The following IMMP2L variants were observed in gnomAD, a reference collection of about 807,000 sequenced individuals.
The protein encoded by IMMP2L is mitochondrial inner membrane protease subunit 2.
Under a neutral mutation model 19.3 loss-of-function variants are expected in IMMP2L, and 18 were observed. The ratio of observed to expected loss-of-function variants is 0.93; its 90% confidence interval spans 0.64 to 1.38. The LOEUF (loss-of-function observed/expected upper bound fraction) is 1.38. Ranked by LOEUF, IMMP2L falls within the 40% of genes most tolerant of loss-of-function variation. IMMP2L has a pLI of 0.00. For missense variants in IMMP2L, 233 were observed against 218.2 expected (o/e 1.07, Z -0.43); for synonymous variants, 76 against 73.0 (o/e 1.04, Z -0.21).
At chr7:111,217,273 A>G (rs1269881146) in intron 3 of IMMP2L, among the ~76,000 whole-genome samples, 1 of 152,076 alleles carries the variant, frequency 6.6e-6, no homozygotes, top group African/African-American at 2.4e-5. Context: ...AATGGTGGCC[A>G]GGAGCCTAGC....
chr7:110,691,749 C>T (rs1192048142), intron 5 of IMMP2L, among the ~76,000 whole-genome samples: 2 of 152,170 alleles, frequency 1.3e-5, no homozygotes, highest in East Asian at 3.9e-4. Flanking sequence ...ATTAAAACCA[C>T]AATGAGATAT....
intron 5 of IMMP2L, among the ~76,000 whole-genome samples, chr7:110,876,035 G>A (rs574242718): frequency 1.3e-5 from 2 of 151,988 alleles, no homozygotes; most frequent in South Asian, 2.1e-4. Flanking sequence ...TCAAAAAAAC[G>A]GATACATTTC....
chr7:111,138,730 A>C lies in IMMP2L; in HGVS notation c.240-175165T>G, dbSNP rs561108218. Among the ~76,000 whole-genome samples, 7 of 152,306 alleles carry C rather than the reference A, an allele frequency of 4.6e-5. 1 individual carries two copies. The South Asian group carries it at 1.4e-3, about 32-fold the overall frequency. On this transcript the variant is annotated intron_variant, in intron 3 of 5. Transcript: ENST00000405709. ...AGATAATTCTATTTTAAAAGAAAAA[A>C]AATCAGCTGAAGTCCTATTTGGTTC...
chr7:111,446,523 A>C (rs1297704520), intron 3 of IMMP2L, among the ~76,000 whole-genome samples: 9 of 151,150 alleles, frequency 6.0e-5, no homozygotes, highest in African/African-American at 9.9e-5. Flanking sequence ...AAACTAACAA[A>C]CAGAAAGGAC....
At chr7:110,961,619 A>G (rs1818949070) in intron 4 of IMMP2L, among the ~76,000 whole-genome samples, 1 of 151,810 alleles carries the variant, frequency 6.6e-6, no homozygotes, top group Non-Finnish European at 1.5e-5. Flanking sequence ...TTATACCAAT[A>G]CCTGTAGAAT....
intron 3 of IMMP2L, among the ~76,000 whole-genome samples, chr7:111,380,030 A>G (rs1831047898): frequency 6.6e-6 from 1 of 151,950 alleles, no homozygotes; most frequent in African/African-American, 2.4e-5. Context: ...GCTCCATCGA[A>G]AACTCTTCTG....
Position 111,083,242 on chromosome 7 carries a change from TAAC to T in IMMP2L, c.240-119680_240-119678del, listed in dbSNP as rs958241814. ...ATATTGACTCTTAAAGGCAGACAAA[TAAC>T]AACAACTATCCAAAATAAAAACCAA... On this transcript the variant is annotated intron_variant, in intron 3 of 5. Coordinates refer to ENST00000405709, the MANE Select transcript of IMMP2L (RefSeq NM_032549.4). 3.3e-5 allele frequency among the ~76,000 whole-genome samples: 5 copies of T among 152,178 alleles called. No homozygotes were observed. The South Asian group carries it at 8.3e-4, about 25-fold the overall frequency.
intron 1 of IMMP2L, among the ~76,000 whole-genome samples, chr7:111,549,769 CAT>C (rs1849270234): frequency 6.6e-6 from 1 of 151,846 alleles, no homozygotes; most frequent in Non-Finnish European, 1.5e-5. Context: ...GTGAGACCTC[CAT>C]CTCTACTAAA....
intron 5 of IMMP2L, among the ~76,000 whole-genome samples, chr7:110,831,091 G>A (rs1479756129): frequency 2.6e-5 from 4 of 152,122 alleles, no homozygotes; most frequent in Non-Finnish European, 5.9e-5. Context: ...GTAGCTGAAG[G>A]AGTGAGGTCT....
chr7:111,126,180 T>C (rs1801291890), intron 3 of IMMP2L, among the ~76,000 whole-genome samples: 1 of 152,112 alleles, frequency 6.6e-6, no homozygotes, highest in Non-Finnish European at 1.5e-5. Context: ...ATGCTCTAGG[T>C]ATAATTTTCA....
At chr7:111,022,652 C>A (rs944036700) in intron 3 of IMMP2L, among the ~76,000 whole-genome samples, 3 of 152,064 alleles carry the variant, frequency 2.0e-5, no homozygotes, top group Non-Finnish European at 2.9e-5. Context: ...CACTGATCTA[C>A]CCTCACAAAA....
intron 5 of IMMP2L, among the ~76,000 whole-genome samples, chr7:110,696,781 G>A (rs150912226): frequency 7.6e-4 from 115 of 152,158 alleles, no homozygotes; most frequent in African/African-American, 2.6e-3. Flanking sequence ...AATGGGTATC[G>A]GAAAGCTCAC....
At chr7:111,510,227 A>G (rs1845310741) in intron 2 of IMMP2L, among the ~76,000 whole-genome samples, 1 of 152,174 alleles carries the variant, frequency 6.6e-6, no homozygotes, top group Non-Finnish European at 1.5e-5. Flanking sequence ...GCTTGTAAAA[A>G]GAATTTCAAA....
chr7:111,092,371 G>T lies in IMMP2L; in HGVS notation c.240-128806C>A, dbSNP rs184891018. ...AACCAACTGCTATATTCCCTTTGCT[G>T]TTGTTGAGCTGGATGGCTTAATTCG... On this transcript the variant is annotated intron_variant, in intron 3 of 5. Coordinates refer to ENST00000405709, the MANE Select transcript of IMMP2L (RefSeq NM_032549.4). 4.0e-4 allele frequency among the ~76,000 whole-genome samples: 61 copies of T among 152,252 alleles called. No homozygotes were observed. The South Asian group carries it at 6.2e-3, about 16-fold the overall frequency.
chr7:111,335,567 G>A lies in IMMP2L; in HGVS notation c.239+151671C>T, dbSNP rs188124637. On this transcript the variant is annotated intron_variant, in intron 3 of 5. Coordinates refer to ENST00000405709, the MANE Select transcript of IMMP2L (RefSeq NM_032549.4). ...AGATCACTAATAACTTAAGAAATAC[G>A]AGAAAGTTTATTGAAATGCTGTTTA... 5.3e-5 allele frequency among the ~76,000 whole-genome samples: 8 copies of A among 152,142 alleles called. No homozygotes were observed. In the East Asian group the frequency reaches 1.2e-3, roughly 22 times the overall value.
chr7:110,681,324 TG>T (rs1169505398), intron 5 of IMMP2L, among the ~76,000 whole-genome samples: 1 of 152,138 alleles, frequency 6.6e-6, no homozygotes, highest in African/African-American at 2.4e-5. Context: ...ATTGTAATTT[TG>T]TTAAGGGCCC....
At chr7:111,209,373 G>A (rs556554290) in intron 3 of IMMP2L, among the ~76,000 whole-genome samples, 4 of 147,052 alleles carry the variant, frequency 2.7e-5, no homozygotes, top group South Asian at 4.4e-4. Flanking sequence ...CTCCAGCCTC[G>A]GCGACAGAGC....
At chr7:111,556,014 G>GTGTATATA in intron 1 of IMMP2L, among the ~76,000 whole-genome samples, 1 of 114,570 alleles carries the variant, frequency 8.7e-6, no homozygotes, top group Non-Finnish European at 1.7e-5. Flanking sequence ...TCTTCTGTGT[G>GTGTATATA]CATGTATATA....
intron 5 of IMMP2L, among the ~76,000 whole-genome samples, chr7:110,720,263 G>A (rs895450986): frequency 6.6e-6 from 1 of 152,114 alleles, no homozygotes; most frequent in African/African-American, 2.4e-5. Flanking sequence ...ACACGTAGAG[G>A]TATAATTCTA....
Sources: gnomAD v4.1 joint callset for allele counts (sites outside exome capture counted in the v4.1 genomes callset) on GRCh38, gnomAD v4.1.1 for gene constraint, MANE v1.5 for transcripts, NCBI Gene and HGNC (gene_info 2026-07-23, HGNC 2026-07-21) for gene names.